The following ELP6 variants were observed in gnomAD, a reference collection of about 807,000 sequenced individuals.
ELP6 encodes the protein elongator complex protein 6.
In ELP6, 23 loss-of-function variants were observed where a neutral mutation model predicts 28.1. That is an observed-to-expected ratio of 0.82 (90% confidence interval 0.59 to 1.16). ELP6 has a LOEUF of 1.16. Ranked by LOEUF, ELP6 falls within the 50% of genes most tolerant of loss-of-function variation. ELP6 has a pLI of 0.00. For synonymous variants in ELP6, 132 were observed against 135.8 expected (o/e 0.97, Z 0.19); for missense variants, 313 against 334.6 (o/e 0.94, Z 0.50).
At chr3:47,502,002 A>T in intron 4 of ELP6, 151 bp from the exon 5 acceptor site, 1 of 721,376 alleles carries the variant, frequency 1.4e-6, no homozygotes, top group South Asian at 1.9e-5. Context: ...TAGAAAGAAA[A>T]GGCATGCACA....
At chr3:47,512,636 C>T (rs961140499) in intron 1 of ELP6, 1 of 985,284 alleles carries the variant, frequency 1.0e-6, no homozygotes, top group South Asian at 4.7e-5. Context: ...TTCAAGGTAC[C>T]CCGGAGTGTG....
chr3:47,499,102 G>A (rs894023676), intron 5 of ELP6, among the ~76,000 whole-genome samples: 6 of 152,248 alleles, frequency 3.9e-5, no homozygotes, highest in African/African-American at 1.4e-4. Context: ...AGCTGGCCGG[G>A]GACAGTGGTG....
At chr3:47,501,953 G>A in intron 4 of ELP6, 102 bp from the exon 5 acceptor site, 1 of 1,090,582 alleles carries the variant, frequency 9.2e-7, no homozygotes, top group Non-Finnish European at 1.3e-6. Context: ...ACAAAGAACT[G>A]TATCACAATT....
intron 1 of ELP6, chr3:47,513,070 A>G (rs1375083107): frequency 5.3e-6 from 5 of 942,038 alleles, no homozygotes; most frequent in Non-Finnish European, 6.3e-6. Context: ...GGGTCACTGC[A>G]ACCTCCGCCT....
chr3:47,511,283 T>A, intron 1 of ELP6, 57 bp from the exon 2 acceptor site: 1 of 1,582,830 alleles, frequency 6.3e-7, no homozygotes, highest in Non-Finnish European at 8.6e-7. Context: ...GTCAGCTTAG[T>A]GCAGAAATCT....
chr3:47,507,293 G>A (rs184305500), intron 3 of ELP6, among the ~76,000 whole-genome samples: 18 of 151,188 alleles, frequency 1.2e-4, no homozygotes, highest in East Asian at 7.8e-4. Flanking sequence ...CCTGGGAAGC[G>A]GAGGTTATGG....
At chr3:47,510,604 G>C (rs575077493) in intron 2 of ELP6, among the ~76,000 whole-genome samples, 1 of 152,206 alleles carries the variant, frequency 6.6e-6, no homozygotes, top group South Asian at 2.1e-4. Context: ...CGAGTAGCTG[G>C]AACTATAGGC....
intron 4 of ELP6, chr3:47,502,591 T>C (rs1010046501): frequency 1.2e-5 from 12 of 976,426 alleles, no homozygotes; most frequent in Non-Finnish European, 1.5e-5. Flanking sequence ...TCCCAGCACT[T>C]TGGGGGGCCA....
At position 47,501,841 on chromosome 3, in the gene ELP6, C is replaced by T; in HGVS notation, c.334G>A (p.Ala112Thr). Residue 112 changes from alanine to threonine, a missense_variant, in exon 5 of 7, where the codon GCT becomes ACT. Transcript: ENST00000296149. ...TCAAACAATGGTTTCAAGTTCCCAG[C>T]ATTAGCCTCCCTGGAGAGACAGGAC... ...HPLQFLREAN[A>T]GNLKPLFEFV... 2 of 1,613,460 alleles carry T rather than the reference C, an allele frequency of 1.2e-6. No individual in the cohort carries two copies. Among genetic ancestry groups the T allele is most frequent in the Non-Finnish European group, 1.7e-6 (2 of 1,179,740 alleles).
intron 3 of ELP6, among the ~76,000 whole-genome samples, chr3:47,505,058 G>A (rs190230598): frequency 1.3e-3 from 198 of 152,170 alleles, no homozygotes; most frequent in African/African-American, 4.6e-3. Flanking sequence ...CCTGAGGTCA[G>A]GAGTTCAAGA....
chr3:47,512,363 C>T (rs111891634), intron 1 of ELP6: 10,508 of 158,746 alleles, frequency 0.066, 1,203 homozygotes, highest in African/African-American at 0.24. Flanking sequence ...GGTGAAACCC[C>T]GTCTCTAACA....
At chr3:47,500,711 T>G (rs575972675) in intron 5 of ELP6, among the ~76,000 whole-genome samples, 1 of 152,312 alleles carries the variant, frequency 6.6e-6, no homozygotes, top group Non-Finnish European at 1.5e-5. Context: ...TCTTTCTGCA[T>G]TACCCTGGTT....
intron 6 of ELP6, chr3:47,497,333 C>T (rs770315169): frequency 8.1e-6 from 8 of 983,592 alleles, no homozygotes; most frequent in African/African-American, 1.8e-5. Flanking sequence ...CTCCCCAAGT[C>T]GTTTTTCTTT....
intron 1 of ELP6, 68 bp downstream of exon 1, chr3:47,513,458 TCGTGCGCACCG>T (rs2029965958): frequency 8.3e-6 from 13 of 1,570,988 alleles, no homozygotes; most frequent in Non-Finnish European, 1.0e-5. Context: ...TTCCCCGGGG[TCGTGCGCACCG>T]CCTCCCGGAT....
intron 4 of ELP6, 78 bp from the exon 5 acceptor site, chr3:47,501,929 G>T: frequency 7.4e-7 from 1 of 1,351,422 alleles, no homozygotes; most frequent in Non-Finnish European, 1.0e-6. Context: ...CACGACAGGA[G>T]AGGGCTAAGG....
In ELP6 at chr3:47,501,857, G is replaced by A; in HGVS notation, c.324-6C>T. The A allele has an allele frequency of 6.2e-7, 1 of 1,610,608 alleles. No individual in the cohort carries two copies. Among genetic ancestry groups the A allele is most frequent in the South Asian group, 1.1e-5 (1 of 90,654 alleles). ...AGTTCCCAGCATTAGCCTCCCTGGA[G>A]AGACAGGACAAAAGTTACCAGACTT... On this transcript the variant is annotated splice_polypyrimidine_tract_variant and splice_region_variant and intron_variant, in intron 4 of 6. Transcript: ENST00000296149.
intron 1 of ELP6, 95 bp downstream of exon 1, chr3:47,513,442 G>T: frequency 6.5e-7 from 1 of 1,547,188 alleles, no homozygotes. Flanking sequence ...CCGGGTCGTC[G>T]CGCCATTCCC....
At chr3:47,501,380 G>C in intron 5 of ELP6, 1 of 478,430 alleles carries the variant, frequency 2.1e-6, no homozygotes, top group Non-Finnish European at 3.8e-6. Flanking sequence ...AGGACACACA[G>C]GCTATTCTGA....
rs114577998 is a variant in ELP6, at chr3:47,498,752, T to C, written c.526-320A>G. On this transcript the variant is annotated intron_variant, in intron 5 of 6. Coordinates refer to ENST00000296149, the MANE Select transcript of ELP6 (RefSeq NM_001031703.3). Reference sequence around the variant, plus strand: ...GTGTCACCATCCTGCCAGGCAACCATTCATTCAGTCAACAGTTCCTGAATA... The same window carrying C: ...GTGTCACCATCCTGCCAGGCAACCACTCATTCAGTCAACAGTTCCTGAATA... 320 of 979,292 alleles carry C rather than the reference T, an allele frequency of 3.3e-4. No individual in the cohort carries two copies. The African/African-American group carries it at 4.8e-3, about 15-fold the overall frequency. 60.7% of individuals were successfully genotyped at this position (979,292 alleles called of 1,614,324 possible).
Sources: allele counts gnomAD v4.1 joint callset (sites outside exome capture counted in the v4.1 genomes callset), GRCh38; gene constraint gnomAD v4.1.1; transcripts MANE v1.5; gene names NCBI Gene and HGNC (gene_info 2026-07-23, HGNC 2026-07-21).